Variants in ZNF704 observed in about 807,000 individuals in gnomAD.
ZNF704 encodes the protein zinc finger protein 704, also known as glucocorticoid induced gene 1.
ZNF704 carries 10 observed loss-of-function variants against 44.7 expected under a neutral mutation model. The ratio of observed to expected loss-of-function variants is 0.22; its 90% confidence interval spans 0.14 to 0.38. The LOEUF (loss-of-function observed/expected upper bound fraction) is 0.38, where lower values mean the gene tolerates loss of function less well. Ranked by LOEUF, ZNF704 falls within the 10% of genes least tolerant of loss-of-function variation. The probability of loss-of-function intolerance (pLI) is 1.00; values close to 1 mark genes in which losing one functional copy is unlikely to be tolerated. For synonymous variants in ZNF704, 211 were observed against 207.6 expected, an observed-to-expected ratio of 1.02 and a Z score of -0.14; for missense variants, 390 against 545.5, an observed-to-expected ratio of 0.71 and a Z score of 2.84.
intron 2 of ZNF704, among the ~76,000 whole-genome samples, chr8:80,814,897 T>C (rs1231330521): frequency 1.3e-5 from 2 of 152,200 alleles, no homozygotes; most frequent in Non-Finnish European, 2.9e-5. Context: ...TTATCTCACT[T>C]AATTACAAAT....
chr8:80,719,103 C>T (rs1048549566), intron 2 of ZNF704, among the ~76,000 whole-genome samples: 1 of 152,042 alleles, frequency 6.6e-6, no homozygotes, highest in Non-Finnish European at 1.5e-5. Context: ...GTAGTTGGGA[C>T]TACAGGTACG....
rs111232157 is a variant in ZNF704, at chr8:80,705,606, G to A, written c.222-12499C>T. ...TGTGTATCCGTGTATGCATTTGTGTGTGTGTGTGTCAATCTCCGTGTCTGT... is the reference window on the plus strand; with the variant it reads ...TGTGTATCCGTGTATGCATTTGTGTATGTGTGTGTCAATCTCCGTGTCTGT... On this transcript the variant is annotated intron_variant, in intron 2 of 8. Transcript: ENST00000327835. Among the ~76,000 whole-genome samples the A allele has an allele frequency of 7.3e-3, 1,113 of 152,100 alleles. 11 individuals carry two copies. The highest frequency in any genetic ancestry group is 0.025 in the African/African-American group (1,033 of 41,458).
the ZNF704 span, among the ~76,000 whole-genome samples, chr8:80,881,227 G>C: frequency 1.3e-5 from 2 of 152,188 alleles, no homozygotes; most frequent in African/African-American, 4.8e-5. Context: ...ACTTATTACA[G>C]CACTGGTTTT....
At chr8:80,698,667 T>C (rs574626857) in intron 2 of ZNF704, among the ~76,000 whole-genome samples, 22 of 152,284 alleles carry the variant, frequency 1.4e-4, no homozygotes, top group African/African-American at 4.6e-4. Context: ...ATCTGAGGAA[T>C]TGATTGTCTG....
chr8:80,820,564 C>T (rs1276799638), intron 2 of ZNF704, among the ~76,000 whole-genome samples: 2 of 151,860 alleles, frequency 1.3e-5, no homozygotes. Flanking sequence ...CTTTACAGAC[C>T]ACCTGTGCTC....
intron 5 of ZNF704, 98 bp from the exon 6 acceptor site, chr8:80,665,180 C>T: frequency 7.3e-7 from 1 of 1,369,186 alleles, no homozygotes. Flanking sequence ...AATGCTTTTC[C>T]TCCCTCTTGT....
chr8:80,833,987 G>A (rs1563570409), intron 1 of ZNF704, among the ~76,000 whole-genome samples: 1 of 152,144 alleles, frequency 6.6e-6, no homozygotes, highest in Non-Finnish European at 1.5e-5. Flanking sequence ...TGATTCTAAT[G>A]TCAGAGGTCC....
chr8:80,670,663 T>C (rs1818264133), intron 4 of ZNF704, 60 bp from the exon 5 acceptor site: 1 of 1,222,338 alleles, frequency 8.2e-7, no homozygotes, highest in South Asian at 1.2e-5. Flanking sequence ...ATTTTCTTTA[T>C]GTCATCCCAA....
intron 2 of ZNF704, among the ~76,000 whole-genome samples, chr8:80,780,040 G>A (rs1374680140): frequency 6.6e-6 from 1 of 152,048 alleles, no homozygotes; most frequent in Non-Finnish European, 1.5e-5. Flanking sequence ...AGATATCTGG[G>A]TGTTAGGTGA....
intron 2 of ZNF704, among the ~76,000 whole-genome samples, chr8:80,702,898 G>A (rs1445589575): frequency 6.6e-6 from 1 of 152,090 alleles, no homozygotes; most frequent in African/African-American, 2.4e-5. Flanking sequence ...TTGTGGCCAG[G>A]TGGCTCAAGC....
chr8:80,653,326 A>C (rs1330637378), intron 7 of ZNF704, among the ~76,000 whole-genome samples: 2 of 152,204 alleles, frequency 1.3e-5, no homozygotes, highest in Non-Finnish European at 1.5e-5. Context: ...CAGGGCAATC[A>C]GGCAGGAGAA....
rs150926534 is a variant in ZNF704 at position 80,729,014 on chromosome 8, G to C, written c.222-35907C>G. On this transcript the variant is annotated intron_variant, in intron 2 of 8. Coordinates refer to ENST00000327835, the MANE Select transcript of ZNF704 (RefSeq NM_001033723.3). The stretch of plus-strand genomic sequence containing the variant: ...CGTTATGAAAATATTTAAGGAAGAC[G>C]AAGGAACAAACGGAATACACCTGCA... Among the ~76,000 whole-genome samples the C allele has an allele frequency of 3.6e-3, 555 of 152,268 alleles. 2 individuals are homozygous for C. The highest frequency in any genetic ancestry group is 6.7e-3 in the Non-Finnish European group (457 of 68,024).
chr8:80,796,619 A>G (rs1807805087), intron 2 of ZNF704, among the ~76,000 whole-genome samples: 1 of 152,174 alleles, frequency 6.6e-6, no homozygotes, highest in African/African-American at 2.4e-5. Flanking sequence ...TCAAAAGTCC[A>G]AAGTCTCATC....
At chr8:80,877,738 GGTGCTGGC>G (rs1586094193), upstream of ZNF704, among the ~76,000 whole-genome samples, 1 of 152,142 alleles carries the variant, frequency 6.6e-6, no homozygotes, top group Non-Finnish European at 1.5e-5. Context: ...TCTTGTTCTT[GGTGCTGGC>G]GTGCAGCAGC....
chr8:80,736,912 G>A (rs116421415), intron 2 of ZNF704, among the ~76,000 whole-genome samples: 187 of 150,884 alleles, frequency 1.2e-3, no homozygotes, highest in African/African-American at 4.5e-3. Flanking sequence ...CAATTAATAT[G>A]GTCTAGGGCT....
chr8:80,806,860 G>A (rs1406815043), intron 2 of ZNF704, among the ~76,000 whole-genome samples: 1 of 152,174 alleles, frequency 6.6e-6, no homozygotes, highest in Non-Finnish European at 1.5e-5. Flanking sequence ...ACTTTTAACT[G>A]TGACAACTGC....
At chr8:80,762,783 A>G (rs1372665284) in intron 2 of ZNF704, among the ~76,000 whole-genome samples, 1 of 152,182 alleles carries the variant, frequency 6.6e-6, no homozygotes, top group Admixed American at 6.5e-5. Flanking sequence ...CTCATCTAAG[A>G]CAAGGCAAGT....
intron 2 of ZNF704, among the ~76,000 whole-genome samples, chr8:80,741,996 T>C (rs1224740106): frequency 6.6e-6 from 1 of 152,116 alleles, no homozygotes; most frequent in African/African-American, 2.4e-5. Context: ...GCTTACCTAG[T>C]CCTCCATGCC....
intron 2 of ZNF704, among the ~76,000 whole-genome samples, chr8:80,709,761 C>G (rs536997444): frequency 6.6e-6 from 1 of 152,230 alleles, no homozygotes; most frequent in East Asian, 1.9e-4. Context: ...GGATAGCCTG[C>G]TCTACCGTGC....
Sources: allele counts gnomAD v4.1 joint callset (sites outside exome capture counted in the v4.1 genomes callset), GRCh38; gene constraint gnomAD v4.1.1; transcripts MANE v1.5; gene names NCBI Gene and HGNC (gene_info 2026-07-23, HGNC 2026-07-21).